UQCRFS1: variants seen among roughly 807,000 people sequenced by gnomAD.
The protein encoded by UQCRFS1 is ubiquinol-cytochrome c reductase, Rieske iron-sulfur polypeptide 1, also known as cytochrome b-c1 complex subunit Rieske, mitochondrial.
A neutral mutation model predicts 15.6 loss-of-function variants in UQCRFS1; 6 were observed. That is an observed-to-expected ratio of 0.38 (90% CI 0.21 to 0.76). The LOEUF is 0.76. Ranked by LOEUF, UQCRFS1 falls within the 30% of genes least tolerant of loss-of-function variation. UQCRFS1 has a pLI of 0.44. For synonymous variants in UQCRFS1, 105 were observed against 154.3 expected (o/e 0.68, Z 2.37); for missense variants, 203 against 366.7 (o/e 0.55, Z 3.65).
intron 1 of UQCRFS1, among the ~76,000 whole-genome samples, chr19:29,212,062 C>G (rs1018829638): frequency 1.3e-5 from 2 of 152,216 alleles, no homozygotes; most frequent in African/African-American, 4.8e-5. Flanking sequence ...ACTACACAGC[C>G]TGCAGACACA....
chr19:29,211,415 CCAA>C (rs1976646437), intron 1 of UQCRFS1, among the ~76,000 whole-genome samples: 1 of 152,136 alleles, frequency 6.6e-6, no homozygotes, highest in East Asian at 1.9e-4. Flanking sequence ...CCTCCAGGTC[CCAA>C]GGATGGGCTA....
At position 29,207,111 on chromosome 19, in the gene UQCRFS1, C is replaced by A; in HGVS notation, c.*437G>T. 6.1e-6 allele frequency: 1 copy of A among 163,524 alleles called. No homozygotes were observed. The allele number at this position is 163,524 out of a possible 1,614,324, so 10.1% of individuals were successfully genotyped here. A position where few individuals can be genotyped will look rare whatever the true frequency, so the allele number is the denominator to read the frequency against. Reference sequence around the variant, plus strand: ...ACCAAGTCCGGTAAATAAGGAATACCTAGATACTACTGTTTCTGTCAATGC... The same window carrying A: ...ACCAAGTCCGGTAAATAAGGAATACATAGATACTACTGTTTCTGTCAATGC... On this transcript the variant is annotated 3_prime_UTR_variant, in exon 2 of 2. Transcript: ENST00000304863.
At chr19:29,211,688 T>C (rs997436401) in intron 1 of UQCRFS1, among the ~76,000 whole-genome samples, 1 of 152,202 alleles carries the variant, frequency 6.6e-6, no homozygotes, top group Non-Finnish European at 1.5e-5. Context: ...ACCTGATCCT[T>C]AACTGAGATT....
intron 1 of UQCRFS1, among the ~76,000 whole-genome samples, chr19:29,209,652 CA>C (rs1391671433): frequency 1.3e-5 from 2 of 152,148 alleles, no homozygotes; most frequent in Non-Finnish European, 2.9e-5. Context: ...ACTACTCTAA[CA>C]AATAAATGCT....
chr19:29,212,570 G>C (rs1180236865), intron 1 of UQCRFS1, among the ~76,000 whole-genome samples: 1 of 152,162 alleles, frequency 6.6e-6, no homozygotes, highest in Non-Finnish European at 1.5e-5. Context: ...AATTGATAAA[G>C]ATATGAATCC....
chr19:29,212,570 G>A (rs1180236865), intron 1 of UQCRFS1, among the ~76,000 whole-genome samples: 1 of 152,162 alleles, frequency 6.6e-6, no homozygotes, highest in East Asian at 1.9e-4. Flanking sequence ...AATTGATAAA[G>A]ATATGAATCC....
intron 1 of UQCRFS1, among the ~76,000 whole-genome samples, chr19:29,211,121 AC>A (rs1976641569): frequency 6.6e-6 from 1 of 152,136 alleles, no homozygotes; most frequent in Non-Finnish European, 1.5e-5. Context: ...AATTTTTGCA[AC>A]CTACTCATCT....
rs1349720953 is a variant in UQCRFS1, at chr19:29,213,137, C to G, written c.-19G>C. ...ACAACATGGCGACAGCCGCTCCAAC[C>G]GCCAAGCCGGTCACAGGGACGACCT... On this transcript the variant is annotated 5_prime_UTR_variant, in exon 1 of 2. Coordinates refer to ENST00000304863, the MANE Select transcript of UQCRFS1 (RefSeq NM_006003.3). The G allele has an allele frequency of 1.3e-6, 2 of 1,520,530 alleles. No homozygotes were observed. The highest frequency in any genetic ancestry group is 2.6e-5 in the East Asian group (1 of 38,596). The allele number at this position is 1,520,530 out of a possible 1,614,324, so 94.2% of individuals were successfully genotyped here. A position where few individuals can be genotyped will look rare whatever the true frequency, so the allele number is the denominator to read the frequency against.
chr19:29,211,190 A>AC (rs397733167), intron 1 of UQCRFS1, among the ~76,000 whole-genome samples: 42 of 150,538 alleles, frequency 2.8e-4, no homozygotes, highest in African/African-American at 1.0e-3. Context: ...CAAGAAAAAA[A>AC]CAAACAACCC....
intron 1 of UQCRFS1, 81 bp downstream of exon 1, chr19:29,212,824 C>A: frequency 7.6e-7 from 1 of 1,313,088 alleles, no homozygotes; most frequent in Non-Finnish European, 9.7e-7. Flanking sequence ...CTCGCGCGCC[C>A]GCGGCCGCTC....
intron 1 of UQCRFS1, among the ~76,000 whole-genome samples, chr19:29,210,306 G>T (rs1282482752): frequency 6.6e-6 from 1 of 152,052 alleles, no homozygotes; most frequent in Non-Finnish European, 1.5e-5. Flanking sequence ...TTGCCTTATG[G>T]TTCTACATTA....
Position 29,206,493 on chromosome 19 carries a change from TGATTCTCAAA to T in UQCRFS1, c.*1045_*1054del, listed in dbSNP as rs1664045062. On this transcript the variant is annotated 3_prime_UTR_variant, in exon 2 of 2. Coordinates refer to ENST00000304863, the MANE Select transcript of UQCRFS1 (RefSeq NM_006003.3). ...AGACAAACACATCAAAAAGTGACTG[TGATTCTCAAA>T]GGACAAAGCCCACTCCCAACTCCCA... 1 of 152,162 alleles carries T rather than the reference TGATTCTCAAA, an allele frequency of 6.6e-6. No individual in the cohort carries two copies. The highest frequency in any genetic ancestry group is 2.4e-5 in the African/African-American group (1 of 41,408). The allele number at this position is 152,162 out of a possible 1,614,324, so 9.4% of individuals were successfully genotyped here. A position where few individuals can be genotyped will look rare whatever the true frequency, so the allele number is the denominator to read the frequency against.
chr19:29,205,405 G>A lies in UQCRFS1; in HGVS notation c.*2143C>T, dbSNP rs1405378796. ...TGTTCCTACAGTTTAGAAAAATGAG[G>A]GTACTAAAGCACATTTTGATCCAGT... On this transcript the variant is annotated 3_prime_UTR_variant, in exon 2 of 2. Transcript: ENST00000304863. 1 of 151,980 alleles carries A rather than the reference G, an allele frequency of 6.6e-6. No homozygotes were observed. The highest frequency in any genetic ancestry group is 2.4e-5 in the African/African-American group (1 of 41,370). 9.4% of individuals were successfully genotyped at this position (151,980 alleles called of 1,614,324 possible).
rs897809761 is a variant in UQCRFS1 at position 29,208,239 on chromosome 19, G to A, written c.215-81C>T. On this transcript the variant is annotated intron_variant, in intron 1 of 1. Coordinates refer to ENST00000304863, the MANE Select transcript of UQCRFS1 (RefSeq NM_006003.3). ...TATATATCAGGAAATAGCCCTTTAT[G>A]GATTCACAGGTAAAAAATCAAATTC... 5 of 1,484,250 alleles carry A rather than the reference G, an allele frequency of 3.4e-6. No individual in the cohort carries two copies. The African/African-American group carries it at 5.6e-5, about 17-fold the overall frequency. 91.9% of individuals were successfully genotyped at this position (1,484,250 alleles called of 1,614,324 possible).
chr19:29,211,396 T>C (rs1487646156), intron 1 of UQCRFS1, among the ~76,000 whole-genome samples: 1 of 152,210 alleles, frequency 6.6e-6, no homozygotes, highest in Non-Finnish European at 1.5e-5. Flanking sequence ...TCTCCTTCCT[T>C]CCTTCTCACC....
At chr19:29,212,743 A>G (rs1976671467) in intron 1 of UQCRFS1, among the ~76,000 whole-genome samples, 162 bp downstream of exon 1, 1 of 152,116 alleles carries the variant, frequency 6.6e-6, no homozygotes, top group Non-Finnish European at 1.5e-5. Flanking sequence ...GGCCACCAGA[A>G]AGACGCCCCG....
chr19:29,208,678 G>A (rs533209632), intron 1 of UQCRFS1, among the ~76,000 whole-genome samples: 21 of 151,946 alleles, frequency 1.4e-4, no homozygotes, highest in African/African-American at 2.4e-4. Flanking sequence ...CTATGTTCTC[G>A]GAAAAAACTG....
At chr19:29,210,419 G>T (rs1172759127) in intron 1 of UQCRFS1, among the ~76,000 whole-genome samples, 5 of 151,634 alleles carry the variant, frequency 3.3e-5, no homozygotes, top group African/African-American at 1.2e-4. Flanking sequence ...GTGCAGGTTA[G>T]TTACATATGT....
intron 1 of UQCRFS1, among the ~76,000 whole-genome samples, chr19:29,210,727 T>C (rs1976638007): frequency 6.6e-6 from 1 of 152,192 alleles, no homozygotes; most frequent in Non-Finnish European, 1.5e-5. Context: ...CCACGGTGTA[T>C]ATGTGCCACA....
Sources: allele counts gnomAD v4.1 joint callset (sites outside exome capture counted in the v4.1 genomes callset), GRCh38; gene constraint gnomAD v4.1.1; transcripts MANE v1.5; gene names NCBI Gene and HGNC (gene_info 2026-07-23, HGNC 2026-07-21).